Variants in TCEA1 observed in about 807,000 individuals in gnomAD.
The protein encoded by TCEA1 is transcription elongation factor A1.
Under a neutral mutation model 43.8 loss-of-function variants are expected in TCEA1, and 21 were observed. The ratio of observed to expected loss-of-function variants is 0.48; its 90% CI spans 0.34 to 0.69. The LOEUF is 0.69. Among genes scored for constraint, TCEA1 ranks in the 30% least tolerant of loss-of-function variants. The pLI, the probability that TCEA1 is intolerant of heterozygous loss-of-function variation, is 0.01. For missense variants in TCEA1, 250 were observed against 365.1 expected, an observed-to-expected ratio of 0.68 and a Z score of 2.57; for synonymous variants, 104 against 117.5, an observed-to-expected ratio of 0.88 and a Z score of 0.75.
intron 8 of TCEA1, among the ~76,000 whole-genome samples, chr8:53,975,508 T>C (rs908813921): frequency 2.6e-5 from 4 of 152,164 alleles, no homozygotes; most frequent in Non-Finnish European, 5.9e-5. Flanking sequence ...CATCAACAGA[T>C]GAATATACAA....
intron 2 of TCEA1, among the ~76,000 whole-genome samples, chr8:54,004,217 G>T (rs888367327): frequency 6.6e-6 from 1 of 152,166 alleles, no homozygotes; most frequent in Non-Finnish European, 1.5e-5. Flanking sequence ...CTGGAGAAAA[G>T]AGTCTGGCAG....
At chr8:53,969,215 G>T (rs1386404275) in intron 9 of TCEA1, among the ~76,000 whole-genome samples, 15 of 152,104 alleles carry the variant, frequency 9.9e-5, no homozygotes, top group Non-Finnish European at 2.9e-5. Context: ...GCTTGAACCT[G>T]GGAGGCGAAG....
At chr8:54,012,053 G>GT (rs1480620560) in intron 1 of TCEA1, among the ~76,000 whole-genome samples, 3 of 152,112 alleles carry the variant, frequency 2.0e-5, no homozygotes, top group African/African-American at 7.2e-5. Context: ...GACTTAAAAC[G>GT]TATTATTAAA....
intron 3 of TCEA1, among the ~76,000 whole-genome samples, chr8:53,995,858 T>C (rs1366599114): frequency 1.3e-5 from 2 of 152,214 alleles, no homozygotes; most frequent in Non-Finnish European, 1.5e-5. Context: ...AAGTTGAAGT[T>C]TGTCAAACCT....
At chr8:53,972,496 T>G (rs910566414) in intron 8 of TCEA1, 1 of 533,352 alleles carries the variant, frequency 1.9e-6, no homozygotes, top group Non-Finnish European at 3.8e-6. Context: ...GCTGATGACA[T>G]TACACATTAA....
intron 8 of TCEA1, chr8:53,973,931 T>C (rs140630732): frequency 1.9e-5 from 4 of 209,028 alleles, no homozygotes; most frequent in East Asian, 1.5e-4. Flanking sequence ...TCCCAGCACT[T>C]TGGGAGGCCA....
At chr8:53,984,113 A>G (rs191251198) in intron 7 of TCEA1, among the ~76,000 whole-genome samples, 13 of 152,388 alleles carry the variant, frequency 8.5e-5, no homozygotes, top group Admixed American at 8.5e-4. Flanking sequence ...AAGAAAAAAA[A>G]GTAAAACACG....
chr8:54,010,534 A>G (rs1216328208), intron 1 of TCEA1, 42 bp from the exon 2 acceptor site: 2 of 1,483,858 alleles, frequency 1.3e-6, no homozygotes, highest in East Asian at 2.4e-5. Flanking sequence ...CCAAGATGGT[A>G]AAACAGGGAC....
At chr8:54,017,526 T>C (rs928816659) in intron 1 of TCEA1, among the ~76,000 whole-genome samples, 3 of 152,202 alleles carry the variant, frequency 2.0e-5, no homozygotes, top group Admixed American at 2.0e-4. Flanking sequence ...GCTAAGTGCC[T>C]ATAATCCCAA....
intron 7 of TCEA1, among the ~76,000 whole-genome samples, chr8:53,983,802 TAAAA>T (rs1015012805): frequency 5.9e-5 from 9 of 152,166 alleles, no homozygotes; most frequent in African/African-American, 2.2e-4. Flanking sequence ...TCATAAAAAG[TAAAA>T]AACACTTGGT....
intron 4 of TCEA1, among the ~76,000 whole-genome samples, chr8:53,990,388 A>T (rs549959566): frequency 6.9e-6 from 1 of 145,474 alleles, no homozygotes; most frequent in Admixed American, 6.9e-5. Flanking sequence ...CTTTTGAGAC[A>T]GTCTTACGCT....
intron 3 of TCEA1, among the ~76,000 whole-genome samples, chr8:53,998,853 G>A (rs767095389): frequency 6.6e-6 from 1 of 152,112 alleles, no homozygotes; most frequent in East Asian, 1.9e-4. Context: ...GGAAAACAAA[G>A]GAGAAGGGAT....
chr8:53,984,252 C>T (rs563727198), intron 7 of TCEA1, 111 bp downstream of exon 7: 47 of 1,049,810 alleles, frequency 4.5e-5, no homozygotes, highest in South Asian at 1.3e-4. Flanking sequence ...ATCAGAATAA[C>T]GGAAATTTAT....
At chr8:53,990,460 C>CAA (rs1160874355) in intron 4 of TCEA1, among the ~76,000 whole-genome samples, 2 of 151,588 alleles carry the variant, frequency 1.3e-5, no homozygotes, top group African/African-American at 4.8e-5. Context: ...CCCCCAAACT[C>CAA]AGACGGTTCT....
Position 53,979,459 on chromosome 8 carries a change from C to T in TCEA1, c.679-288G>A, listed in dbSNP as rs182657818. 1.9e-4 allele frequency among the ~76,000 whole-genome samples: 29 copies of T among 152,360 alleles called. No individual in the cohort carries two copies. In the East Asian group the frequency reaches 2.5e-3, roughly 13 times the overall value. Reference sequence around the variant, plus strand: ...TGACAGTGAGAGAAATTGAACATGGCTGACTCCATCTTGCTTCTAGTGTCA... The same window carrying T: ...TGACAGTGAGAGAAATTGAACATGGTTGACTCCATCTTGCTTCTAGTGTCA... On this transcript the variant is annotated intron_variant, in intron 7 of 9. Coordinates refer to ENST00000521604, the MANE Select transcript of TCEA1 (RefSeq NM_006756.4).
At position 54,022,121 on chromosome 8, in the gene TCEA1, T is replaced by C; in HGVS notation, c.5A>G (p.Glu2Gly). 6.3e-7 allele frequency: 1 copy of C among 1,589,740 alleles called. No individual in the cohort carries two copies. Among genetic ancestry groups the C allele is most frequent in the Non-Finnish European group, 8.6e-7 (1 of 1,166,314 alleles). Residue 2 changes from glutamate to glycine, a missense_variant, in exon 1 of 10, where the codon GAG (glutamate) becomes GGG (glycine). Physicochemically the swap from Glu to Gly is moderately conservative, Grantham distance 98. Transcript: ENST00000521604. ...CTTGGCAAAGCGGACCACTTCGTCC[T>C]CCATGGCTCCGGCAGGTCTTCTCCG... M[E>G]DEVVRFAKKM...
intron 5 of TCEA1, 45 bp downstream of exon 5, chr8:53,988,069 T>C (rs1434835214): frequency 6.3e-7 from 1 of 1,592,628 alleles, no homozygotes; most frequent in South Asian, 1.1e-5. Context: ...GCAGTGGTTG[T>C]GGGTGGTGAC....
intron 1 of TCEA1, among the ~76,000 whole-genome samples, chr8:54,011,083 G>A (rs986626840): frequency 3.3e-5 from 5 of 152,188 alleles, no homozygotes; most frequent in South Asian, 2.1e-4. Context: ...GATTACAGGC[G>A]TGAGCCACCA....
intron 8 of TCEA1, among the ~76,000 whole-genome samples, chr8:53,977,326 A>G (rs1304452521): frequency 6.6e-6 from 1 of 152,210 alleles, no homozygotes; most frequent in Non-Finnish European, 1.5e-5. Flanking sequence ...TCTCAAAGAA[A>G]AAGGAAAACA....
Sources: allele counts gnomAD v4.1 joint callset (sites outside exome capture counted in the v4.1 genomes callset), GRCh38; gene constraint gnomAD v4.1.1; transcripts MANE v1.5; gene names NCBI Gene and HGNC (gene_info 2026-07-23, HGNC 2026-07-21).